Variants in LRRC49 observed in about 807,000 individuals in gnomAD.
LRRC49 encodes the protein leucine rich repeat containing 49.
A neutral mutation model predicts 83.3 loss-of-function variants in LRRC49; 50 were observed. The observed-to-expected ratio is 0.60, with a 90% CI of 0.48 to 0.76. The LOEUF (loss-of-function observed/expected upper bound fraction) is 0.76, where lower values mean the gene tolerates loss of function less well. Ranked by LOEUF, LRRC49 falls within the 30% of genes least tolerant of loss-of-function variation. The probability of loss-of-function intolerance (pLI) is 0.00; values close to 1 mark genes in which losing one functional copy is unlikely to be tolerated. For synonymous variants in LRRC49, 286 were observed against 283.3 expected, an observed-to-expected ratio of 1.01 and a Z score of -0.10; for missense variants, 704 against 809.1, an observed-to-expected ratio of 0.87 and a Z score of 1.58.
At chr15:70,864,575 G>C (rs764193686) in intron 1 of LRRC49, among the ~76,000 whole-genome samples, 1 of 152,128 alleles carries the variant, frequency 6.6e-6, no homozygotes, top group Non-Finnish European at 1.5e-5. Flanking sequence ...TTATCTGAAG[G>C]CACCACTCTT....
At chr15:70,858,848 T>C in intron 1 of LRRC49, 1 of 775,928 alleles carries the variant, frequency 1.3e-6, no homozygotes. Context: ...AGCAGCAGCT[T>C]CTGGGGTGGC....
At chr15:70,937,189 T>C (rs1236105782) in intron 8 of LRRC49, among the ~76,000 whole-genome samples, 1 of 152,330 alleles carries the variant, frequency 6.6e-6, no homozygotes, top group East Asian at 1.9e-4. Flanking sequence ...TTTGTATAGC[T>C]ACTAAGCAAT....
At chr15:70,894,367 T>C (rs758198280) in intron 2 of LRRC49, among the ~76,000 whole-genome samples, 14 of 152,208 alleles carry the variant, frequency 9.2e-5, no homozygotes, top group South Asian at 2.1e-4. Context: ...ACATCCCATT[T>C]AAAATCAGGG....
intron 3 of LRRC49, chr15:70,900,599 A>G: frequency 2.2e-6 from 1 of 461,500 alleles, no homozygotes; most frequent in South Asian, 1.6e-5. Context: ...AGGAACTATC[A>G]TTTTAGTTAT....
chr15:70,900,392 C>T (rs2034019736), intron 3 of LRRC49: 2 of 447,328 alleles, frequency 4.5e-6, no homozygotes, highest in South Asian at 3.2e-5. Context: ...GCGAGGTTTA[C>T]ATCTGCTATC....
At chr15:70,904,096 A>G (rs1159029825) in intron 4 of LRRC49, among the ~76,000 whole-genome samples, 2 of 152,082 alleles carry the variant, frequency 1.3e-5, no homozygotes, top group Non-Finnish European at 2.9e-5. Flanking sequence ...ATCTGGCTCA[A>G]GAGTCTATGA....
chr15:70,971,797 C>CTTTTTTTTTTTTTTTTT, intron 9 of LRRC49, among the ~76,000 whole-genome samples: 1 of 82,268 alleles, frequency 1.2e-5, no homozygotes, highest in Non-Finnish European at 2.2e-5. Context: ...GTAACCACTC[C>CTTTTTTTTTTTTTTTTT]TTTTTTTTTT....
chr15:70,859,405 G>T, intron 1 of LRRC49: 1 of 754,706 alleles, frequency 1.3e-6, no homozygotes. Context: ...TTGAAGAGGA[G>T]ATCTGGGAGC....
At chr15:71,005,233 A>G (rs2038415585) in intron 11 of LRRC49, among the ~76,000 whole-genome samples, 1 of 152,138 alleles carries the variant, frequency 6.6e-6, no homozygotes, top group Non-Finnish European at 1.5e-5. Flanking sequence ...CTCAAGGATC[A>G]GTTCAAATCC....
rs765659259 is a variant in LRRC49, at chr15:71,012,879, CAGTAT to C, written c.1670_1674del (p.Gln557ProfsTer8). On this transcript the variant is annotated frameshift_variant, in exon 14 of 16. Coordinates refer to ENST00000260382, the MANE Select transcript of LRRC49 (RefSeq NM_017691.5). LOFTEE classifies it high-confidence loss of function. ...ACATGTAGCATCTTCTGAGTTACCC[CAGTAT>C]CGTCTGATTTCCATTCTGGGTGATG... is the stretch of plus-strand genomic sequence containing the variant. 1 of 1,612,748 alleles carries C rather than the reference CAGTAT, an allele frequency of 6.2e-7. No homozygotes were observed. The highest frequency in any genetic ancestry group is 8.5e-7 in the Non-Finnish European group (1 of 1,179,190).
At chr15:71,017,243 C>T (rs1567101194) in intron 14 of LRRC49, among the ~76,000 whole-genome samples, 2 of 152,106 alleles carry the variant, frequency 1.3e-5, no homozygotes, top group East Asian at 1.9e-4. Context: ...TACAAATTTA[C>T]TTAATTCCCA....
Position 70,893,621 on chromosome 15 carries a change from C to A in LRRC49, c.86C>A (p.Ser29Ter), listed in dbSNP as rs770126354. The A allele has an allele frequency of 6.2e-7, 1 of 1,608,162 alleles. No individual in the cohort carries two copies. Among genetic ancestry groups the A allele is most frequent in the Non-Finnish European group, 8.5e-7 (1 of 1,177,666 alleles). Residue 29 changes from serine (S) to a stop codon, truncating the protein, a stop_gained, in exon 2 of 16, where the codon TCG becomes TAG. Coordinates refer to ENST00000260382, the MANE Select transcript of LRRC49 (RefSeq NM_017691.5). LOFTEE classifies it high-confidence loss of function. ...CGLHLVIQTS[S>*]LPEKNKVEFK... ...CTTCATCTGGTTATTCAAACATCATCGCTTCCTGAAAAAAACAAAGTAAGA... is the reference window on the plus strand; with the variant it reads ...CTTCATCTGGTTATTCAAACATCATAGCTTCCTGAAAAAAACAAAGTAAGA...
At chr15:70,991,938 G>T (rs1046275236) in intron 11 of LRRC49, among the ~76,000 whole-genome samples, 1 of 152,138 alleles carries the variant, frequency 6.6e-6, no homozygotes, top group Admixed American at 6.5e-5. Flanking sequence ...ATATATTTAG[G>T]CAAATATGCT....
At chr15:70,868,729 A>C (rs2141074377) in intron 1 of LRRC49, among the ~76,000 whole-genome samples, 1 of 152,362 alleles carries the variant, frequency 6.6e-6, no homozygotes, top group East Asian at 1.9e-4. Context: ...GTGGAATTGA[A>C]TACAATATAC....
In LRRC49 at chr15:70,968,240, G is replaced by T. The variant is rs140013621; in HGVS notation, c.921+4308G>T. On this transcript the variant is annotated intron_variant, in intron 9 of 15. Coordinates refer to ENST00000260382, the MANE Select transcript of LRRC49 (RefSeq NM_017691.5). ...TTATGAATGAGAACATGCAGTGCTT[G>T]GTTTTCTGTCCTTGCAATAGTTTGC... Among the ~76,000 whole-genome samples, 30 of 152,156 alleles carry T rather than the reference G, an allele frequency of 2.0e-4. No homozygotes were observed. The East Asian group carries it at 2.9e-3, about 15-fold the overall frequency.
intron 9 of LRRC49, among the ~76,000 whole-genome samples, chr15:70,968,461 A>C (rs1207224257): frequency 6.6e-6 from 1 of 152,154 alleles, no homozygotes; most frequent in Non-Finnish European, 1.5e-5. Flanking sequence ...ATGTGTCTTT[A>C]TAGTAGAATA....
intron 8 of LRRC49, 45 bp downstream of exon 8, chr15:70,936,867 G>GTT: frequency 8.5e-7 from 1 of 1,174,192 alleles, no homozygotes; most frequent in Non-Finnish European, 1.3e-6. Flanking sequence ...ACTTGATTGT[G>GTT]TGAGTTCTAG....
chr15:70,876,379 C>G (rs905387899), intron 2 of LRRC49, among the ~76,000 whole-genome samples: 1 of 152,172 alleles, frequency 6.6e-6, no homozygotes, highest in Admixed American at 6.5e-5. Flanking sequence ...CTGTCTTTAC[C>G]TTCAGGCTGT....
chr15:70,866,794 A>T (rs937377440), intron 1 of LRRC49, among the ~76,000 whole-genome samples: 1 of 152,114 alleles, frequency 6.6e-6, no homozygotes, highest in African/African-American at 2.4e-5. Context: ...AATTGGACAG[A>T]AATTAACACA....
Sources: allele counts gnomAD v4.1 joint callset (sites outside exome capture counted in the v4.1 genomes callset), GRCh38; gene constraint gnomAD v4.1.1; transcripts MANE v1.5; gene names NCBI Gene and HGNC (gene_info 2026-07-23, HGNC 2026-07-21).